Variants in AFF2 observed in about 807,000 individuals in gnomAD.
AFF2 encodes the protein AF4/FMR2 family member 2.
AFF2 carries 14 observed loss-of-function variants against 76.9 expected under a neutral mutation model. The observed-to-expected ratio is 0.18, with a 90% confidence interval of 0.12 to 0.28. The LOEUF (loss-of-function observed/expected upper bound fraction) is 0.28. Ranked by LOEUF, AFF2 falls within the 10% of genes least tolerant of loss-of-function variation. AFF2 has a pLI of 1.00. For synonymous variants in AFF2, 398 were observed against 366.7 expected, an observed-to-expected ratio of 1.09 and a Z score of -0.98; for missense variants, 868 against 1,001.1, an observed-to-expected ratio of 0.87 and a Z score of 1.79.
intron 1 of AFF2, among the ~76,000 whole-genome samples, chrX:148,569,176 T>TGAG (rs1307899548): frequency 9.1e-6 from 1 of 109,950 alleles, no homozygotes; most frequent in Non-Finnish European, 1.9e-5. Flanking sequence ...ATCATGATGA[T>TGAG]GAGGAGGAGG....
intron 7 of AFF2, among the ~76,000 whole-genome samples, chrX:148,866,279 T>C (rs1191985663): frequency 8.9e-6 from 1 of 112,298 alleles, no homozygotes; most frequent in Non-Finnish European, 1.9e-5. Flanking sequence ...GTGTAATTAG[T>C]AGGAAACAAT....
At chrX:148,640,483 A>C (rs1449964339) in intron 1 of AFF2, among the ~76,000 whole-genome samples, 1 of 111,595 alleles carries the variant, frequency 9.0e-6, no homozygotes, top group East Asian at 2.8e-4. Context: ...TCTGATTTAC[A>C]CATCAATTAC....
chrX:148,756,135 C>T (rs1330316768), intron 3 of AFF2, among the ~76,000 whole-genome samples: 1 of 112,496 alleles, frequency 8.9e-6, no homozygotes, highest in African/African-American at 3.2e-5. Context: ...CTGAGTCTCA[C>T]TTCCATTATC....
chrX:148,955,559 C>T lies in AFF2; in HGVS notation c.1558-44C>T, dbSNP rs782510866. On this transcript the variant is annotated intron_variant, in intron 10 of 20. Transcript: ENST00000370460. ...GTACTCAGGGTTCTCTTGAATCCTT[C>T]CCAAGTGTAAAAATCATTCTTGCTG... 4 of 1,165,130 alleles carry T rather than the reference C, an allele frequency of 3.4e-6. No homozygotes were observed. In the African/African-American group the frequency reaches 7.2e-5, roughly 21 times the overall value.
intron 3 of AFF2, among the ~76,000 whole-genome samples, chrX:148,781,538 GC>G (rs1263546738): frequency 8.9e-6 from 1 of 111,896 alleles, no homozygotes; most frequent in African/African-American, 3.2e-5. Context: ...GAGGAAAACT[GC>G]CTACTCAGTC....
chrX:148,797,783 G>A (rs1046703403), intron 3 of AFF2, among the ~76,000 whole-genome samples: 18 of 111,977 alleles, frequency 1.6e-4, no homozygotes, highest in African/African-American at 5.8e-4. Context: ...TGGTATTCTA[G>A]AAATTCCCAT....
intron 3 of AFF2, among the ~76,000 whole-genome samples, chrX:148,789,974 C>T (rs1378604197): frequency 9.0e-6 from 1 of 110,861 alleles, no homozygotes; most frequent in African/African-American, 3.3e-5. Flanking sequence ...TTATGGGTCA[C>T]CCCTCTTCTT....
chrX:148,907,408 G>A (rs782467014), intron 9 of AFF2, among the ~76,000 whole-genome samples: 13 of 111,612 alleles, frequency 1.2e-4, no homozygotes, highest in Non-Finnish European at 2.3e-4. Context: ...CCTGTCGGGC[G>A]AAATTCACCC....
rs113294582 is a variant in AFF2 at position 148,581,592 on chromosome X, A to G, written c.48-70407A>G. ...CGTATACGTATACGTGTACACACAT[A>G]TATACGTATACGTGTACACACATAT... is the stretch of plus-strand genomic sequence containing the variant. On this transcript the variant is annotated intron_variant, in intron 1 of 20. Transcript: ENST00000370460. 1.4e-3 allele frequency among the ~76,000 whole-genome samples: 94 copies of G among 68,442 alleles called. 16 individuals are homozygous for G. The highest frequency in any genetic ancestry group is 8.5e-3 in the Middle Eastern group (1 of 118). The allele number at this position is 68,442 out of a possible 115,157, so 59.4% of individuals were successfully genotyped here.
At chrX:148,906,831 C>T (rs144497316) in intron 9 of AFF2, among the ~76,000 whole-genome samples, 99 of 111,881 alleles carry the variant, frequency 8.8e-4, no homozygotes, top group African/African-American at 2.9e-3. Flanking sequence ...CCTCCGGATC[C>T]GGCAGAGTGT....
intron 1 of AFF2, among the ~76,000 whole-genome samples, chrX:148,575,090 A>G (rs576953025): frequency 3.6e-5 from 4 of 110,216 alleles, no homozygotes; most frequent in Middle Eastern, 4.6e-3. Context: ...TATTTTGCCA[A>G]TGCCTACCTA....
At chrX:148,521,745 G>A (rs2052602513) in intron 1 of AFF2, among the ~76,000 whole-genome samples, 1 of 111,784 alleles carries the variant, frequency 8.9e-6, no homozygotes, top group South Asian at 3.7e-4. Context: ...GATCAGATCT[G>A]ATCATAAACT....
chrX:148,955,463 G>T, intron 10 of AFF2, 140 bp from the exon 11 acceptor site: 2 of 591,359 alleles, frequency 3.4e-6, no homozygotes, highest in Non-Finnish European at 5.4e-6. Flanking sequence ...GCAGGTGTGT[G>T]TGTATGAGTG....
chrX:148,831,920 T>C (rs1213729421), intron 4 of AFF2, among the ~76,000 whole-genome samples: 5 of 111,401 alleles, frequency 4.5e-5, no homozygotes, highest in African/African-American at 1.6e-4. Context: ...CACACACACA[T>C]ACACACACAC....
intron 3 of AFF2, among the ~76,000 whole-genome samples, chrX:148,732,606 C>A: frequency 1.1e-5 from 1 of 89,885 alleles, no homozygotes; most frequent in African/African-American, 4.6e-5. Flanking sequence ...GAAATACAAG[C>A]AGATGAAAAA....
intron 3 of AFF2, among the ~76,000 whole-genome samples, chrX:148,752,307 C>T (rs782786040): frequency 8.9e-6 from 1 of 112,059 alleles, no homozygotes; most frequent in East Asian, 2.8e-4. Flanking sequence ...TGTCTTTTAT[C>T]TGCTGCTGGG....
chrX:148,706,681 G>T (rs2054888517), intron 3 of AFF2, among the ~76,000 whole-genome samples: 1 of 112,492 alleles, frequency 8.9e-6, no homozygotes, highest in Non-Finnish European at 1.9e-5. Context: ...ATGAAAGAGA[G>T]ATCACTTGAA....
At chrX:148,884,712 G>T (rs2071136922) in intron 7 of AFF2, among the ~76,000 whole-genome samples, 1 of 112,478 alleles carries the variant, frequency 8.9e-6, no homozygotes, top group Non-Finnish European at 1.9e-5. Context: ...GCCCTCATGG[G>T]AATTACGGAC....
intron 1 of AFF2, among the ~76,000 whole-genome samples, chrX:148,534,831 T>C (rs1227974805): frequency 8.9e-6 from 1 of 112,400 alleles, no homozygotes; most frequent in African/African-American, 3.2e-5. Context: ...TATTGAATTG[T>C]CCTGAGTATC....
Sources: allele counts gnomAD v4.1 joint callset (sites outside exome capture counted in the v4.1 genomes callset), GRCh38; gene constraint gnomAD v4.1.1; transcripts MANE v1.5; gene names NCBI Gene and HGNC (gene_info 2026-07-23, HGNC 2026-07-21).